The following NRXN1 variants were observed in gnomAD, a reference collection of about 807,000 sequenced individuals.
NRXN1 encodes neurexin-1.
In NRXN1, 39 loss-of-function variants were observed where a neutral mutation model predicts 150.9. The observed-to-expected ratio is 0.26, with a 90% CI of 0.20 to 0.34. NRXN1 has a LOEUF of 0.34. Among genes scored for constraint, NRXN1 ranks in the 10% least tolerant of loss-of-function variants. The pLI is 1.00. For missense variants in NRXN1, 1,815 were observed against 1,949.9 expected (o/e 0.93, Z 1.30); for synonymous variants, 924 against 757.0 (o/e 1.22, Z -3.62).
At chr2:50,706,424 AC>A (rs1694447202) in intron 5 of NRXN1, among the ~76,000 whole-genome samples, 1 of 152,170 alleles carries the variant, frequency 6.6e-6, no homozygotes, top group Admixed American at 6.6e-5. Flanking sequence ...GGAGACTGTT[AC>A]TTTAGTAAAT....
At chr2:50,747,878 G>A (rs1461089325) in intron 5 of NRXN1, among the ~76,000 whole-genome samples, 137 of 152,140 alleles carry the variant, frequency 9.0e-4, no homozygotes, top group Non-Finnish European at 1.5e-4. Context: ...CCCAAGGCTC[G>A]CAACCAGGAG....
At chr2:50,161,939 A>T (rs535821218) in intron 18 of NRXN1, among the ~76,000 whole-genome samples, 3 of 152,232 alleles carry the variant, frequency 2.0e-5, no homozygotes, top group East Asian at 3.9e-4. Flanking sequence ...TGAATTTATG[A>T]CACAAAAGAG....
chr2:50,254,532 G>C (rs759962011), intron 17 of NRXN1, among the ~76,000 whole-genome samples: 5 of 151,444 alleles, frequency 3.3e-5, no homozygotes. Context: ...GCTCTTCCTA[G>C]CATTTTTATA....
At chr2:49,930,544 T>A (rs1161912308) in intron 22 of NRXN1, among the ~76,000 whole-genome samples, 1 of 152,204 alleles carries the variant, frequency 6.6e-6, no homozygotes, top group Non-Finnish European at 1.5e-5. Flanking sequence ...TTAAATTTTT[T>A]AAAATAAATA....
chr2:50,944,108 G>A (rs1689930837), intron 2 of NRXN1, among the ~76,000 whole-genome samples: 1 of 152,072 alleles, frequency 6.6e-6, no homozygotes, highest in South Asian at 2.1e-4. Context: ...TTTTAGAATT[G>A]TTTTTTCACT....
chr2:50,211,635 A>T (rs542906088), intron 18 of NRXN1, among the ~76,000 whole-genome samples: 1 of 151,490 alleles, frequency 6.6e-6, no homozygotes, highest in Non-Finnish European at 1.5e-5. Context: ...CTTGAATGAA[A>T]CCTAATATTA....
chr2:49,940,471 G>A (rs753162424), intron 22 of NRXN1, among the ~76,000 whole-genome samples: 2 of 152,026 alleles, frequency 1.3e-5, no homozygotes, highest in Admixed American at 6.6e-5. Context: ...ATTGCAAGCA[G>A]GAAAAAGAAA....
At chr2:50,839,348 C>A (rs1253796791) in intron 5 of NRXN1, among the ~76,000 whole-genome samples, 3 of 152,066 alleles carry the variant, frequency 2.0e-5, no homozygotes, top group East Asian at 1.9e-4. Flanking sequence ...AATTTTACAA[C>A]AAAAACTATG....
intron 5 of NRXN1, among the ~76,000 whole-genome samples, chr2:50,658,820 A>C (rs1385621511): frequency 1.3e-5 from 2 of 152,028 alleles, no homozygotes; most frequent in Admixed American, 1.3e-4. Context: ...CCAAGTTTGA[A>C]GAACTTTCTT....
At chr2:50,783,894 A>C (rs924171615) in intron 5 of NRXN1, among the ~76,000 whole-genome samples, 1 of 152,104 alleles carries the variant, frequency 6.6e-6, no homozygotes, top group Non-Finnish European at 1.5e-5. Flanking sequence ...TCTTCTCCTT[A>C]TTCCTGACCC....
intron 18 of NRXN1, chr2:50,174,534 A>G (rs2060232262): frequency 6.6e-6 from 1 of 152,168 alleles, no homozygotes; most frequent in Non-Finnish European, 1.5e-5. Context: ...CAGCCACTAT[A>G]CTAGTTACAT....
chr2:50,246,831 T>C (rs1339937324), intron 17 of NRXN1, among the ~76,000 whole-genome samples: 4 of 152,100 alleles, frequency 2.6e-5, no homozygotes, highest in African/African-American at 9.7e-5. Context: ...TGAACTATTA[T>C]AATATATGAG....
intron 5 of NRXN1, among the ~76,000 whole-genome samples, chr2:50,864,498 C>T (rs963020319): frequency 2.6e-5 from 4 of 151,958 alleles, no homozygotes; most frequent in African/African-American, 4.8e-5. Context: ...GTAATAATAA[C>T]AACCATTGTC....
At chr2:49,953,887 A>C (rs1001738161) in intron 21 of NRXN1, among the ~76,000 whole-genome samples, 13 of 152,008 alleles carry the variant, frequency 8.6e-5, no homozygotes, top group Non-Finnish European at 1.5e-4. Flanking sequence ...GGAGAGCCTT[A>C]GGACAAATAC....
intron 5 of NRXN1, among the ~76,000 whole-genome samples, chr2:50,768,244 T>C (rs1448062035): frequency 6.6e-6 from 1 of 152,108 alleles, no homozygotes; most frequent in East Asian, 1.9e-4. Context: ...GTATGTGGGA[T>C]ATTTTAATGA....
At chr2:51,029,897 A>G (rs139171585) in intron 1 of NRXN1, among the ~76,000 whole-genome samples, 2 of 98,912 alleles carry the variant, frequency 2.0e-5, no homozygotes, top group Non-Finnish European at 4.5e-5. Context: ...GTGTAGATCT[A>G]ACTCCTCCTG....
intron 17 of NRXN1, among the ~76,000 whole-genome samples, chr2:50,319,830 C>G (rs2075883625): frequency 6.6e-6 from 1 of 152,118 alleles, no homozygotes; most frequent in Admixed American, 6.6e-5. Flanking sequence ...CTAACCTCCT[C>G]TCATATTCCT....
chr2:50,806,617 C>T (rs150708292), intron 5 of NRXN1, among the ~76,000 whole-genome samples: 56 of 152,238 alleles, frequency 3.7e-4, no homozygotes, highest in African/African-American at 1.3e-3. Context: ...GATATGGTCA[C>T]ACTGACCAAG....
intron 17 of NRXN1, among the ~76,000 whole-genome samples, chr2:50,252,233 C>CTTTTTTTTT (rs55993018): frequency 1.2e-4 from 11 of 94,904 alleles, no homozygotes; most frequent in Non-Finnish European, 9.6e-5. Flanking sequence ...ACATTTTGTC[C>CTTTTTTTTT]TTTTTTTTTT....
Sources: gnomAD v4.1 joint callset for allele counts (sites outside exome capture counted in the v4.1 genomes callset) on GRCh38, gnomAD v4.1.1 for gene constraint, MANE v1.5 for transcripts, NCBI Gene and HGNC (gene_info 2026-07-23, HGNC 2026-07-21) for gene names.